SCHIP1: variants seen among roughly 807,000 people sequenced by gnomAD.
SCHIP1 encodes schwannomin interacting protein 1.
A neutral mutation model predicts 29.7 loss-of-function variants in SCHIP1; 8 were observed. The ratio of observed to expected loss-of-function variants is 0.27; its 90% CI spans 0.16 to 0.49. The LOEUF is 0.49. Among genes scored for constraint, SCHIP1 ranks in the 20% least tolerant of loss-of-function variants. The probability of loss-of-function intolerance (pLI) is 0.99; values close to 1 mark genes in which losing one functional copy is unlikely to be tolerated. For missense variants in SCHIP1, 193 were observed against 294.6 expected (o/e 0.66, Z 2.52); for synonymous variants, 76 against 94.9 (o/e 0.80, Z 1.16).
At chr3:159,820,214 C>A in the SCHIP1 span, among the ~76,000 whole-genome samples, 5,844 of 152,128 alleles carry the variant, frequency 0.038, 373 homozygotes, top group African/African-American at 0.13. Flanking sequence ...AAAAGAGCAA[C>A]CCTAAAGTTA....
chr3:159,631,834 CA>C, the SCHIP1 span, among the ~76,000 whole-genome samples: 1 of 151,946 alleles, frequency 6.6e-6, no homozygotes, highest in Non-Finnish European at 1.5e-5. Context: ...TATTTTACCA[CA>C]AAAAAATTTT....
the SCHIP1 span, among the ~76,000 whole-genome samples, chr3:159,387,985 A>C: frequency 6.6e-6 from 1 of 152,228 alleles, no homozygotes; most frequent in South Asian, 2.1e-4. Context: ...GAGCTATTAG[A>C]AACATAAGAA....
the SCHIP1 span, among the ~76,000 whole-genome samples, chr3:159,304,535 A>G: frequency 6.6e-6 from 1 of 152,140 alleles, no homozygotes; most frequent in African/African-American, 2.4e-5. Flanking sequence ...TATGGGTCTT[A>G]TATTTTGTCT....
At chr3:159,673,210 G>T in the SCHIP1 span, among the ~76,000 whole-genome samples, 1 of 152,276 alleles carries the variant, frequency 6.6e-6, no homozygotes, top group Non-Finnish European at 1.5e-5. Flanking sequence ...CTGGGTCTCT[G>T]CCTTAATTAA....
chr3:159,434,182 G>A, the SCHIP1 span, among the ~76,000 whole-genome samples: 6 of 152,122 alleles, frequency 3.9e-5, no homozygotes, highest in Non-Finnish European at 7.4e-5. Flanking sequence ...GATGTGCCAG[G>A]CACATTGCTA....
the SCHIP1 span, among the ~76,000 whole-genome samples, chr3:159,681,008 G>T: frequency 6.6e-6 from 1 of 151,546 alleles, no homozygotes; most frequent in Non-Finnish European, 1.5e-5. Context: ...ACTTATCTTT[G>T]ATTTATCTGA....
chr3:159,625,223 A>G, the SCHIP1 span, among the ~76,000 whole-genome samples: 1 of 152,180 alleles, frequency 6.6e-6, no homozygotes, highest in Non-Finnish European at 1.5e-5. Context: ...CTATGGCCTC[A>G]CTTTGAATCT....
At chr3:159,288,323 C>T in the SCHIP1 span, among the ~76,000 whole-genome samples, 1 of 152,152 alleles carries the variant, frequency 6.6e-6, no homozygotes, top group Admixed American at 6.6e-5. Flanking sequence ...TAGCTAGTAT[C>T]CCCTCATGCA....
At chr3:159,781,324 C>T in the SCHIP1 span, among the ~76,000 whole-genome samples, 8 of 152,210 alleles carry the variant, frequency 5.3e-5, no homozygotes, top group South Asian at 1.5e-3. Flanking sequence ...TACAGGTGCA[C>T]ACCACCACGC....
the SCHIP1 span, among the ~76,000 whole-genome samples, chr3:159,444,113 G>A: frequency 6.6e-6 from 1 of 152,084 alleles, no homozygotes; most frequent in Non-Finnish European, 1.5e-5. Context: ...AGCGAGATGG[G>A]AAGAGAGAAA....
chr3:159,672,053 C>T, the SCHIP1 span, among the ~76,000 whole-genome samples: 425 of 152,282 alleles, frequency 2.8e-3, 3 homozygotes, highest in African/African-American at 9.6e-3. Flanking sequence ...TAATTGGAAC[C>T]TCAAATGTCA....
At chr3:159,832,953 G>A in the SCHIP1 span, among the ~76,000 whole-genome samples, 3 of 152,118 alleles carry the variant, frequency 2.0e-5, no homozygotes, top group African/African-American at 4.8e-5. Context: ...TGTTATTGTT[G>A]TTAATCTCTT....
the SCHIP1 span, among the ~76,000 whole-genome samples, chr3:159,704,153 G>A: frequency 6.6e-6 from 1 of 152,068 alleles, no homozygotes; most frequent in Non-Finnish European, 1.5e-5. Context: ...AATTGCACTA[G>A]GCCAGGCACA....
chr3:159,504,409 A>T, the SCHIP1 span, among the ~76,000 whole-genome samples: 3 of 152,182 alleles, frequency 2.0e-5, no homozygotes, highest in Non-Finnish European at 4.4e-5. Flanking sequence ...GTTGCTGAAA[A>T]TATCAGTGGA....
the SCHIP1 span, among the ~76,000 whole-genome samples, chr3:159,589,765 T>C: frequency 3.8e-4 from 58 of 152,308 alleles, no homozygotes; most frequent in African/African-American, 1.3e-3. Context: ...GGGACTATAC[T>C]GTGAAGAAAT....
the SCHIP1 span, among the ~76,000 whole-genome samples, chr3:159,424,500 A>G: frequency 2.0e-5 from 3 of 152,218 alleles, no homozygotes; most frequent in Non-Finnish European, 4.4e-5. Flanking sequence ...AAAAAAGAAT[A>G]AAAAGAAATG....
the SCHIP1 span, among the ~76,000 whole-genome samples, chr3:159,576,990 T>C: frequency 6.6e-6 from 1 of 152,218 alleles, no homozygotes; most frequent in African/African-American, 2.4e-5. Context: ...AAGGTACACA[T>C]ATAAAATCTA....
the SCHIP1 span, among the ~76,000 whole-genome samples, chr3:159,311,595 CA>C: frequency 6.6e-6 from 1 of 151,874 alleles, no homozygotes; most frequent in Non-Finnish European, 1.5e-5. Context: ...TAATATACAC[CA>C]AAATATTTGT....
the SCHIP1 span, among the ~76,000 whole-genome samples, chr3:159,767,248 T>G: frequency 6.6e-6 from 1 of 152,164 alleles, no homozygotes; most frequent in Admixed American, 6.5e-5. Context: ...TTTAAAAAAA[T>G]GAAATAAAAT....
Sources: gnomAD v4.1 joint callset for allele counts (sites outside exome capture counted in the v4.1 genomes callset) on GRCh38, gnomAD v4.1.1 for gene constraint, MANE v1.5 for transcripts, NCBI Gene and HGNC (gene_info 2026-07-23, HGNC 2026-07-21) for gene names.